The following SLC39A11 variants were observed in gnomAD, a reference collection of about 807,000 sequenced individuals.
The protein encoded by SLC39A11 is zinc transporter ZIP11.
Under a neutral mutation model 36.1 loss-of-function variants are expected in SLC39A11, and 33 were observed. The observed-to-expected ratio is 0.91, with a 90% CI of 0.69 to 1.22. SLC39A11 has a LOEUF of 1.22. SLC39A11 is among the 50% of genes most tolerant of loss of function. SLC39A11 has a pLI of 0.00. For missense variants in SLC39A11, 432 were observed against 430.3 expected (o/e 1.00, Z -0.03); for synonymous variants, 166 against 170.3 (o/e 0.97, Z 0.20).
chr17:73,012,247 T>A (rs2090564608), intron 4 of SLC39A11, among the ~76,000 whole-genome samples: 1 of 151,792 alleles, frequency 6.6e-6, no homozygotes, highest in African/African-American at 2.4e-5. Context: ...CTGCACTCCA[T>A]CCTGTGACAG....
chr17:72,921,972 T>C (rs988395169), intron 5 of SLC39A11, among the ~76,000 whole-genome samples: 1 of 152,228 alleles, frequency 6.6e-6, no homozygotes. Flanking sequence ...ATCTGAGTCC[T>C]AGTGTGAAAA....
intron 5 of SLC39A11, among the ~76,000 whole-genome samples, chr17:72,861,580 T>C (rs1230467200): frequency 1.4e-5 from 2 of 146,150 alleles, no homozygotes; most frequent in Admixed American, 6.9e-5. Flanking sequence ...GATAGACAGA[T>C]TGACAGACAG....
chr17:72,852,645 T>C (rs2079420517), intron 5 of SLC39A11, among the ~76,000 whole-genome samples: 1 of 152,212 alleles, frequency 6.6e-6, no homozygotes, highest in African/African-American at 2.4e-5. Context: ...CATCCTGAGA[T>C]ATTAGATCAC....
intron 7 of SLC39A11, among the ~76,000 whole-genome samples, chr17:72,668,069 CA>C (rs2070835340): frequency 6.6e-6 from 1 of 152,122 alleles, no homozygotes; most frequent in Non-Finnish European, 1.5e-5. Flanking sequence ...TGATTATTAG[CA>C]ATACTTTGTA....
intron 4 of SLC39A11, among the ~76,000 whole-genome samples, chr17:73,019,038 C>T (rs1568133356): frequency 6.6e-6 from 1 of 152,034 alleles, no homozygotes; most frequent in Admixed American, 6.6e-5. Context: ...TCTTCAACGT[C>T]CTAAAAGCAA....
chr17:72,819,768 T>C (rs552817826), intron 6 of SLC39A11, among the ~76,000 whole-genome samples: 2 of 151,534 alleles, frequency 1.3e-5, no homozygotes, highest in South Asian at 4.2e-4. Context: ...ACAGAAGTTA[T>C]TATTTCCATT....
chr17:72,806,931 T>C (rs112644336), intron 6 of SLC39A11, among the ~76,000 whole-genome samples: 1,770 of 152,324 alleles, frequency 0.012, 29 homozygotes, highest in African/African-American at 0.04. Context: ...TCTGGAATGC[T>C]GACGAGTCAC....
chr17:73,068,389 A>G lies in SLC39A11; in HGVS notation c.147+16419T>C, dbSNP rs1599126581. On this transcript the variant is annotated intron_variant, in intron 3 of 9. Transcript: ENST00000255559. ...CTAATCCTCATAGATATGGATCACC[A>G]AAAGCAGAGAAGCAGGAAACATCAC... The G allele has an allele frequency of 6.5e-6, 3 of 461,146 alleles. No homozygotes were observed. The East Asian group carries it at 1.0e-4, about 16-fold the overall frequency. 28.6% of individuals were successfully genotyped at this position (461,146 alleles called of 1,614,324 possible). A position where few individuals can be genotyped will look rare whatever the true frequency, so the allele number is the denominator to read the frequency against.
chr17:72,674,022 C>T (rs1016696799), intron 7 of SLC39A11, among the ~76,000 whole-genome samples: 2 of 152,084 alleles, frequency 1.3e-5, no homozygotes, highest in African/African-American at 2.4e-5. Flanking sequence ...GAGCTGAGAT[C>T]GTGCCACTGC....
chr17:72,748,729 A>G (rs1306860618), intron 6 of SLC39A11, among the ~76,000 whole-genome samples: 2 of 152,224 alleles, frequency 1.3e-5, no homozygotes, highest in Non-Finnish European at 2.9e-5. Context: ...GTGTTTCCTC[A>G]GAGAAAAAGG....
At chr17:72,909,330 C>T (rs1017748213) in intron 5 of SLC39A11, among the ~76,000 whole-genome samples, 1 of 152,206 alleles carries the variant, frequency 6.6e-6, no homozygotes, top group African/African-American at 2.4e-5. Flanking sequence ...GGGAGAGTCA[C>T]GTTGCCTGTT....
chr17:72,861,468 C>T (rs552773487), intron 5 of SLC39A11, among the ~76,000 whole-genome samples: 2 of 151,672 alleles, frequency 1.3e-5, no homozygotes, highest in East Asian at 3.9e-4. Context: ...CACAAGTTTG[C>T]ACTTCCTAAA....
intron 2 of SLC39A11, among the ~76,000 whole-genome samples, chr17:73,085,350 T>C (rs2060690444): frequency 9.0e-6 from 1 of 110,670 alleles, no homozygotes; most frequent in Admixed American, 9.3e-5. Flanking sequence ...CTACTAAAAA[T>C]ACAAAAAAAA....
At chr17:72,652,691 G>T (rs1460984981) in intron 7 of SLC39A11, among the ~76,000 whole-genome samples, 2 of 152,174 alleles carry the variant, frequency 1.3e-5, no homozygotes, top group Non-Finnish European at 2.9e-5. Context: ...CCTCTGCAAA[G>T]CTCTGTTTCA....
At chr17:72,849,289 T>C (rs1171803009) in intron 6 of SLC39A11, among the ~76,000 whole-genome samples, 2 of 152,178 alleles carry the variant, frequency 1.3e-5, no homozygotes, top group East Asian at 3.9e-4. Context: ...TGTTTTCAAA[T>C]AGCATTAAGC....
chr17:72,699,390 A>T (rs998405600), intron 7 of SLC39A11, among the ~76,000 whole-genome samples: 5 of 152,194 alleles, frequency 3.3e-5, no homozygotes, highest in Admixed American at 3.3e-4. Flanking sequence ...TGGGTTGGGC[A>T]AGCTTGCTGT....
chr17:72,988,447 C>T (rs932195992), intron 4 of SLC39A11, among the ~76,000 whole-genome samples: 2 of 152,062 alleles, frequency 1.3e-5, no homozygotes, highest in African/African-American at 2.4e-5. Flanking sequence ...GGTGACAGAG[C>T]GAGAACTTGT....
At chr17:73,002,945 T>C (rs1351205512) in intron 4 of SLC39A11, among the ~76,000 whole-genome samples, 1 of 152,186 alleles carries the variant, frequency 6.6e-6, no homozygotes, top group African/African-American at 2.4e-5. Flanking sequence ...ATAAGGAGGC[T>C]TGAGATTGTA....
intron 2 of SLC39A11, among the ~76,000 whole-genome samples, chr17:73,088,305 G>GA (rs1417667821): frequency 6.9e-6 from 1 of 145,856 alleles, no homozygotes; most frequent in Non-Finnish European, 1.5e-5. Flanking sequence ...AAAAAAAAAA[G>GA]AAAAAAGAAA....
Sources: gnomAD v4.1 joint callset for allele counts (sites outside exome capture counted in the v4.1 genomes callset) on GRCh38, gnomAD v4.1.1 for gene constraint, MANE v1.5 for transcripts, NCBI Gene and HGNC (gene_info 2026-07-23, HGNC 2026-07-21) for gene names.